PIGG: variants seen among roughly 807,000 people sequenced by gnomAD.
PIGG encodes the protein GPI ethanolamine phosphate transferase 2, catalytic subunit.
In PIGG, 70 loss-of-function variants were observed where a neutral mutation model predicts 83.2. The observed-to-expected ratio is 0.84, with a 90% confidence interval of 0.69 to 1.03. The LOEUF (loss-of-function observed/expected upper bound fraction) is 1.03, where lower values mean the gene tolerates loss of function less well. PIGG is among the 50% of genes least tolerant of loss of function. The pLI is 0.00. For missense variants in PIGG, 1,257 were observed against 1,233.6 expected (o/e 1.02, Z -0.28); for synonymous variants, 532 against 519.5 (o/e 1.02, Z -0.33).
chr4:538,599 T>TGACGGTGGCA (rs1731316902), intron 12 of PIGG, among the ~76,000 whole-genome samples: 1 of 152,256 alleles, frequency 6.6e-6, no homozygotes, highest in South Asian at 2.1e-4. Context: ...GTTTTACAGA[T>TGACGGTGGCA]GACGGTGGCA....
Position 521,914 on chromosome 4 carries a change from GCTCGT to G in PIGG, c.1588_1592del (p.Leu530GlyfsTer71). ...TGATTGTGTCTGTTCTGACCAACGT[GCTCGT>G]GGGTGGAAACACCCCAAGGAAGGTA... On this transcript the variant is annotated frameshift_variant, in exon 8 of 13. Coordinates refer to ENST00000453061, the MANE Select transcript of PIGG (RefSeq NM_001127178.3). LOFTEE classifies it high-confidence loss of function. 1 of 1,614,218 alleles carries G rather than the reference GCTCGT, an allele frequency of 6.2e-7. No homozygotes were observed. Among genetic ancestry groups the G allele is most frequent in the Non-Finnish European group, 8.5e-7 (1 of 1,180,050 alleles).
intron 2 of PIGG, among the ~76,000 whole-genome samples, chr4:504,960 G>A (rs561541636): frequency 6.6e-5 from 10 of 152,152 alleles, no homozygotes; most frequent in South Asian, 2.1e-4. Context: ...GAAAGTTCAC[G>A]CTTTAGGACT....
chr4:499,514 C>T (rs782403986), intron 1 of PIGG, 25 bp downstream of exon 1: 10 of 1,575,398 alleles, frequency 6.3e-6, no homozygotes, highest in African/African-American at 2.7e-5. Context: ...CCGGCGTCTC[C>T]GCTCCCCTGA....
intron 5 of PIGG, among the ~76,000 whole-genome samples, chr4:511,537 T>G (rs1721966783): frequency 6.6e-6 from 1 of 152,232 alleles, no homozygotes; most frequent in Non-Finnish European, 1.5e-5. Context: ...CCGCCACCTC[T>G]GTGCTGTTAT....
chr4:499,339 C>A lies in PIGG; in HGVS notation c.4C>A (p.Arg2=), dbSNP rs1207825909. 2 of 1,607,496 alleles carry A rather than the reference C, an allele frequency of 1.2e-6. No homozygotes were observed. The highest frequency in any genetic ancestry group is 1.3e-5 in the African/African-American group (1 of 75,060). ...CATCCAGCCTAGCGTGTCCACGATG[C>A]GGCTGGGCTCCGGGACTTTCGCTAC... The part of the protein sequence containing the change: M[R]LGSGTFATCC... Residue 2 remains arginine (R), a synonymous_variant, in exon 1 of 13, where the codon CGG becomes AGG. Coordinates refer to ENST00000453061, the MANE Select transcript of PIGG (RefSeq NM_001127178.3).
rs1231792339 is a variant in PIGG at position 528,206 on chromosome 4, C to G, written c.2261+976C>G. ...AGCATGTTGTGGAACAGGTATGACCCCAGCTTACTAATTGTGTACCTGTTT... is the reference window on the plus strand; with the variant it reads ...AGCATGTTGTGGAACAGGTATGACCGCAGCTTACTAATTGTGTACCTGTTT... On this transcript the variant is annotated intron_variant, in intron 10 of 12. Coordinates refer to ENST00000453061, the MANE Select transcript of PIGG (RefSeq NM_001127178.3). This position sits in a 1 kb window ranked among gnomAD's most constrained non-coding sequence, Gnocchi z 4.8. 1 of 984,962 alleles carries G rather than the reference C, an allele frequency of 1.0e-6. No individual in the cohort carries two copies. Among genetic ancestry groups the G allele is most frequent in the Non-Finnish European group, 1.2e-6 (1 of 829,720 alleles). The allele number at this position is 984,962 out of a possible 1,614,324, so 61.0% of individuals were successfully genotyped here.
intron 9 of PIGG, among the ~76,000 whole-genome samples, chr4:526,316 A>G (rs1355965016): frequency 6.6e-6 from 1 of 152,144 alleles, no homozygotes; most frequent in Non-Finnish European, 1.5e-5. Context: ...TCATCCTGGG[A>G]GGCTTTGAAG....
rs781894745 is a variant in PIGG, at chr4:499,306, C to G, written c.-30C>G. 6.9e-6 allele frequency: 11 copies of G among 1,599,260 alleles called. No individual in the cohort carries two copies. The South Asian group carries it at 1.1e-4, about 16-fold the overall frequency. ...AGCAGGGCGAGGCTCCAGGTGGGGTCGGTTCCGCATCCAGCCTAGCGTGTC... is the reference window on the plus strand; with the variant it reads ...AGCAGGGCGAGGCTCCAGGTGGGGTGGGTTCCGCATCCAGCCTAGCGTGTC... On this transcript the variant is annotated 5_prime_UTR_variant, in exon 1 of 13. Coordinates refer to ENST00000453061, the MANE Select transcript of PIGG (RefSeq NM_001127178.3).
chr4:499,734 T>C, intron 1 of PIGG: 1 of 1,355,418 alleles, frequency 7.4e-7, no homozygotes, highest in Admixed American at 3.6e-5. Context: ...AAGTAAGCTG[T>C]GTCCATACCT....
rs1028481126 is a variant in PIGG at position 521,282 on chromosome 4, G to T, written c.1332+9G>T. 2 of 1,588,690 alleles carry T rather than the reference G, an allele frequency of 1.3e-6. No individual in the cohort carries two copies. Among genetic ancestry groups the T allele is most frequent in the Non-Finnish European group, 1.7e-6 (2 of 1,157,502 alleles). On this transcript the variant is annotated intron_variant, in intron 7 of 12. Transcript: ENST00000453061. ...CTGTCGTGGTTTTGGAGGTACAGAT[G>T]CTCACACAGTCATGGCTCAGGTGTT...
At chr4:525,842 G>A (rs1436964280) in intron 9 of PIGG, 1 of 152,266 alleles carries the variant, frequency 6.6e-6, no homozygotes, top group African/African-American at 2.4e-5. Flanking sequence ...CCAGAGGTGA[G>A]GAAGCGGAGG....
At chr4:524,371 T>C (rs1726978074) in intron 9 of PIGG, among the ~76,000 whole-genome samples, 1 of 152,176 alleles carries the variant, frequency 6.6e-6, no homozygotes, top group Non-Finnish European at 1.5e-5. Context: ...AAGAGGTTCA[T>C]CTTGGCTCTC....
In PIGG at chr4:539,373, A is replaced by G; in HGVS notation, c.*4A>G. 1.3e-6 allele frequency: 2 copies of G among 1,541,994 alleles called. No individual in the cohort carries two copies. The highest frequency in any genetic ancestry group is 8.9e-7 in the Non-Finnish European group (1 of 1,117,916). On this transcript the variant is annotated 3_prime_UTR_variant, in exon 13 of 13. Coordinates refer to ENST00000453061, the MANE Select transcript of PIGG (RefSeq NM_001127178.3). ...AACCAGACTCACACAGTCTTAGACT[A>G]AGCTGAACACTGGAAAAATAATACA...
intron 2 of PIGG, among the ~76,000 whole-genome samples, chr4:503,830 A>G (rs1454899551): frequency 6.9e-6 from 1 of 144,728 alleles, no homozygotes; most frequent in Non-Finnish European, 1.5e-5. Flanking sequence ...GTACCTTCAT[A>G]TATTTGTGAT....
At chr4:519,155 T>C (rs1724940662) in intron 6 of PIGG, among the ~76,000 whole-genome samples, 1 of 152,194 alleles carries the variant, frequency 6.6e-6, no homozygotes, top group Admixed American at 6.5e-5. Context: ...TACTTTTCCT[T>C]CCTGGGAAAC....
intron 10 of PIGG, among the ~76,000 whole-genome samples, chr4:529,266 A>G (rs1450976812): frequency 6.6e-6 from 1 of 152,078 alleles, no homozygotes; most frequent in African/African-American, 2.4e-5. Flanking sequence ...ACCTTTGCTG[A>G]TTTCTCCCTT....
At chr4:506,312 T>G (rs1553879216) in intron 3 of PIGG, among the ~76,000 whole-genome samples, 1 of 152,220 alleles carries the variant, frequency 6.6e-6, no homozygotes, top group Non-Finnish European at 1.5e-5. Flanking sequence ...CTCCACAGCC[T>G]GTTGGTTCTG....
At position 499,471 on chromosome 4, in the gene PIGG, G is replaced by C. The variant is rs1465346415; in HGVS notation, c.136G>C (p.Ala46Pro). The C allele has an allele frequency of 3.8e-6, 6 of 1,599,992 alleles. No homozygotes were observed. The South Asian group carries it at 6.6e-5, about 18-fold the overall frequency. The change falls in exon 1 of 13, where the codon GCG (alanine) becomes CCG (proline). Residue 46 changes from alanine (A) to proline (P), a missense_variant. Physicochemically the swap from Ala to Pro is conservative, Grantham distance 27 (BLOSUM62 -1). Coordinates refer to ENST00000453061, the MANE Select transcript of PIGG (RefSeq NM_001127178.3). ...AGCGGAACACGGAGCGGAGCCCCCAGCGCCCGAACCCTCGGCTGGTACGGA... is the reference window on the plus strand; with the variant it reads ...AGCGGAACACGGAGCGGAGCCCCCACCGCCCGAACCCTCGGCTGGTACGGA... The part of the protein sequence containing the change: ...ARAEHGAEPP[A>P]PEPSAGASSN...
Position 530,515 on chromosome 4 carries a change from C to G in PIGG, c.2341C>G (p.Gln781Glu). Residue 781 changes from glutamine (Q) to glutamate (E), a missense_variant, in exon 11 of 13, where the codon CAA becomes GAA. Gln to Glu is a conservative substitution (Grantham distance 29). Coordinates refer to ENST00000453061, the MANE Select transcript of PIGG (RefSeq NM_001127178.3). Reference protein sequence around the residue: ...FTGTKDLLKSQVIAADFKLKT... With the variant: ...FTGTKDLLKSEVIAADFKLKT... ...GGGCACCAAAGACTTACTTAAATCT[C>G]AAGTCATTGCTGCAGACTTCAAACT... 6.2e-7 allele frequency: 1 copy of G among 1,612,610 alleles called. No individual in the cohort carries two copies. The highest frequency in any genetic ancestry group is 2.2e-5 in the East Asian group (1 of 44,880).
Sources: gnomAD v4.1 joint callset for allele counts (sites outside exome capture counted in the v4.1 genomes callset) on GRCh38, gnomAD v4.1.1 for gene constraint, Gnocchi (gnomAD v3.1) non-coding constraint, MANE v1.5 for transcripts, NCBI Gene and HGNC (gene_info 2026-07-23, HGNC 2026-07-21) for gene names.